Variants in PHTF2 observed in about 807,000 individuals in gnomAD.
PHTF2 encodes the protein putative homeodomain transcription factor 2.
In PHTF2, 60 loss-of-function variants were observed where a neutral mutation model predicts 101.2. That is an observed-to-expected ratio of 0.59 (90% CI 0.48 to 0.73). PHTF2 has a LOEUF of 0.73. PHTF2 is among the 30% of genes least tolerant of loss of function. The pLI, the probability that PHTF2 is intolerant of heterozygous loss-of-function variation, is 0.00. For synonymous variants in PHTF2, 311 were observed against 307.3 expected (o/e 1.01, Z -0.13); for missense variants, 747 against 908.7 (o/e 0.82, Z 2.29).
intron 3 of PHTF2, among the ~76,000 whole-genome samples, chr7:77,878,607 C>T (rs1799142244): frequency 6.6e-6 from 1 of 152,094 alleles, no homozygotes; most frequent in African/African-American, 2.4e-5. Context: ...TGTTATCATC[C>T]TTCCTTTAAA....
intron 1 of PHTF2, among the ~76,000 whole-genome samples, chr7:77,839,781 A>G (rs1795731023): frequency 6.6e-6 from 1 of 152,148 alleles, no homozygotes; most frequent in African/African-American, 2.4e-5. Context: ...AGTGTCAGGG[A>G]AAATTAAATA....
chr7:77,888,059 C>A (rs191817638), intron 3 of PHTF2, among the ~76,000 whole-genome samples: 1 of 152,068 alleles, frequency 6.6e-6, no homozygotes, highest in Non-Finnish European at 1.5e-5. Context: ...CTTGGTATAT[C>A]TCTCTCTGTG....
In PHTF2 at chr7:77,829,001, C is replaced by T. The variant is rs151005580; in HGVS notation, c.-35-11220C>T. ...CCAGCCTGGACAACAAAGTGAGACC[C>T]GGCCCCACAAGAAGTTAAAAAATAA... On this transcript the variant is annotated intron_variant, in intron 1 of 19. Coordinates refer to ENST00000416283, the Ensembl canonical transcript of PHTF2. 4.3e-3 allele frequency among the ~76,000 whole-genome samples: 649 copies of T among 152,008 alleles called. 3 individuals carry two copies. Among genetic ancestry groups the T allele is most frequent in the African/African-American group, 0.013 (542 of 41,454 alleles).
intron 3 of PHTF2, among the ~76,000 whole-genome samples, chr7:77,891,900 T>G (rs531871583): frequency 2.6e-4 from 39 of 152,228 alleles, no homozygotes; most frequent in Non-Finnish European, 2.9e-4. Flanking sequence ...AATATGATTT[T>G]TAAAATAAAA....
At chr7:77,911,748 A>C (rs545687978) in intron 9 of PHTF2, among the ~76,000 whole-genome samples, 1 of 152,286 alleles carries the variant, frequency 6.6e-6, no homozygotes, top group East Asian at 1.9e-4. Flanking sequence ...TTAAGTGAAA[A>C]TCCTTTCTAT....
At chr7:77,922,752 C>A in exon 11 of PHTF2, 1 of 1,602,664 alleles carries the variant, frequency 6.2e-7, no homozygotes, top group East Asian at 2.2e-5. Context: ...AAAGTCACAC[C>A]ATTATAAGAA....
intron 1 of PHTF2, among the ~76,000 whole-genome samples, chr7:77,808,431 C>T (rs1174188246): frequency 6.6e-6 from 1 of 152,148 alleles, no homozygotes; most frequent in South Asian, 2.1e-4. Context: ...GATTCTGTCT[C>T]CTCATCATGA....
intron 1 of PHTF2, among the ~76,000 whole-genome samples, chr7:77,830,211 TC>T (rs1332342503): frequency 6.6e-6 from 1 of 152,132 alleles, no homozygotes; most frequent in African/African-American, 2.4e-5. Flanking sequence ...TACACAGCAG[TC>T]CCCCTTATCT....
intron 2 of PHTF2, among the ~76,000 whole-genome samples, chr7:77,845,209 A>G (rs1218699276): frequency 2.6e-5 from 4 of 152,342 alleles, no homozygotes; most frequent in Non-Finnish European, 2.9e-5. Flanking sequence ...CCTTTAAACA[A>G]TATAGTGACC....
At chr7:77,840,102 A>C in intron 1 of PHTF2, 119 bp from the exon 2 acceptor site, 1 of 492,528 alleles carries the variant, frequency 2.0e-6, no homozygotes, top group Non-Finnish European at 3.7e-6. Context: ...AGTGTAATAT[A>C]AGTCTCGTCA....
intron 3 of PHTF2, among the ~76,000 whole-genome samples, chr7:77,872,311 G>A (rs762806787): frequency 7.2e-5 from 11 of 152,210 alleles, no homozygotes; most frequent in African/African-American, 2.4e-4. Context: ...CCACTGGTGA[G>A]CACTCACATG....
chr7:77,871,274 G>A (rs1798495522), intron 3 of PHTF2, among the ~76,000 whole-genome samples: 1 of 152,178 alleles, frequency 6.6e-6, no homozygotes, highest in African/African-American at 2.4e-5. Context: ...TGGATCTTGT[G>A]TATTCCATGA....
rs1800672946 is a variant in PHTF2 at position 77,893,996 on chromosome 7, A to G, written c.216+3A>G. 1.2e-6 allele frequency: 2 copies of G among 1,600,902 alleles called. No homozygotes were observed. Among genetic ancestry groups the G allele is most frequent in the African/African-American group, 1.3e-5 (1 of 74,646 alleles). On this transcript the variant is annotated splice_donor_region_variant and intron_variant, in intron 5 of 19. Coordinates refer to ENST00000416283, the Ensembl canonical transcript of PHTF2. ...GCTCTGTACAGTTTATTAAACTGGT[A>G]AGTGTTTCAGGATTTTTCCCGCCTG...
At chr7:77,834,608 A>G (rs1052238310) in intron 1 of PHTF2, among the ~76,000 whole-genome samples, 33 of 152,126 alleles carry the variant, frequency 2.2e-4, no homozygotes, top group African/African-American at 7.2e-4. Context: ...TTCTTTTCAC[A>G]CAATTGTTAT....
intron 5 of PHTF2, among the ~76,000 whole-genome samples, chr7:77,894,591 T>C (rs1279636123): frequency 1.3e-5 from 2 of 152,202 alleles, no homozygotes; most frequent in Non-Finnish European, 2.9e-5. Flanking sequence ...AACAAAGTTG[T>C]GGTATGCGTT....
intron 2 of PHTF2, among the ~76,000 whole-genome samples, chr7:77,849,404 C>T (rs1351742692): frequency 1.3e-5 from 2 of 152,034 alleles, no homozygotes; most frequent in Non-Finnish European, 2.9e-5. Flanking sequence ...TCCTAAGTTG[C>T]TAGGATTACA....
chr7:77,902,065 AAT>A, intron 7 of PHTF2, 145 bp downstream of exon 6: 1 of 418,850 alleles, frequency 2.4e-6, no homozygotes, highest in Non-Finnish European at 4.2e-6. Context: ...TGGTATTAAA[AAT>A]ATTTGAGAAA....
intron 11 of PHTF2, among the ~76,000 whole-genome samples, chr7:77,926,912 C>G (rs907557356): frequency 5.3e-5 from 8 of 152,010 alleles, no homozygotes; most frequent in African/African-American, 1.7e-4. Context: ...AATCCCTGCA[C>G]TTTGGGAGGC....
intron 5 of PHTF2, among the ~76,000 whole-genome samples, chr7:77,895,711 A>C (rs1316679240): frequency 1.3e-5 from 2 of 152,128 alleles, no homozygotes; most frequent in Non-Finnish European, 2.9e-5. Flanking sequence ...TAAATCCTAA[A>C]TGTATGTTAG....
Sources: gnomAD v4.1 joint callset for allele counts (sites outside exome capture counted in the v4.1 genomes callset) on GRCh38, gnomAD v4.1.1 for gene constraint, MANE v1.5 for transcripts, NCBI Gene and HGNC (gene_info 2026-07-23, HGNC 2026-07-21) for gene names.